The following TANGO2 variants were observed in gnomAD, a reference collection of about 807,000 sequenced individuals.
The protein encoded by TANGO2 is transport and golgi organization 2 homolog, also known as transport and Golgi organization protein 2 homolog.
A neutral mutation model predicts 39.1 loss-of-function variants in TANGO2; 26 were observed. The observed-to-expected ratio is 0.67, with a 90% CI of 0.49 to 0.92. The LOEUF is 0.92. TANGO2 is among the 40% of genes least tolerant of loss of function. The probability of loss-of-function intolerance (pLI) is 0.00; values close to 1 mark genes in which losing one functional copy is unlikely to be tolerated. For missense variants in TANGO2, 326 were observed against 360.1 expected, an observed-to-expected ratio of 0.91 and a Z score of 0.77; for synonymous variants, 131 against 144.5, an observed-to-expected ratio of 0.91 and a Z score of 0.67.
intron 2 of TANGO2, among the ~76,000 whole-genome samples, chr22:20,038,313 C>T (rs1012967362): frequency 2.6e-5 from 4 of 152,196 alleles, no homozygotes; most frequent in Non-Finnish European, 5.9e-5. Context: ...GCCGCCTGGT[C>T]TGTGGTGCTT....
intron 1 of TANGO2, among the ~76,000 whole-genome samples, chr22:20,032,610 T>G (rs943985877): frequency 6.6e-6 from 1 of 152,264 alleles, no homozygotes; most frequent in Non-Finnish European, 1.5e-5. Flanking sequence ...TTGGTTGGGC[T>G]TGGCCCAAGT....
chr22:20,052,733 G>A (rs2046609588), intron 4 of TANGO2, 149 bp downstream of exon 4: 1 of 1,064,106 alleles, frequency 9.4e-7, no homozygotes, highest in African/African-American at 1.6e-5. Flanking sequence ...GCTTGTGCTT[G>A]GGAGTGGGAT....
chr22:20,056,401 A>C (rs2047355193), intron 6 of TANGO2: 2 of 480,156 alleles, frequency 4.2e-6, no homozygotes, highest in Admixed American at 4.6e-5. Flanking sequence ...CTGACGCACA[A>C]GTACACACCC....
chr22:20,027,692 C>G (rs1466145273), intron 1 of TANGO2, among the ~76,000 whole-genome samples: 1 of 152,112 alleles, frequency 6.6e-6, no homozygotes, highest in Non-Finnish European at 1.5e-5. Context: ...ACTGCAGCCT[C>G]AAACTCCTGG....
rs376299828 is a variant in TANGO2 at position 20,056,000 on chromosome 22, C to G, written c.438C>G (p.Ile146Met). ...YYGNRGEPDPIVLTPGTYGLS... is the reference protein window; with the variant it reads ...YYGNRGEPDPMVLTPGTYGLS... The stretch of plus-strand genomic sequence containing the variant: ...GGAACCGAGGGGAGCCTGATCCTAT[C>G]GTTTTGACGCCAGGTGAGCCTGCCC... The change falls in exon 6 of 9, where the codon ATC (isoleucine) becomes ATG (methionine). Residue 146 changes from isoleucine to methionine, a missense_variant. Transcript: ENST00000327374. 2.5e-6 allele frequency: 4 copies of G among 1,614,048 alleles called. No individual in the cohort carries two copies. The highest frequency in any genetic ancestry group is 2.2e-5 in the East Asian group (1 of 44,884).
chr22:20,049,379 G>A (rs1226016395), intron 3 of TANGO2, among the ~76,000 whole-genome samples: 2 of 152,126 alleles, frequency 1.3e-5, no homozygotes, highest in Non-Finnish European at 2.9e-5. Context: ...CTTGAAATCA[G>A]GCTGAGCACT....
rs1442695837 is a variant in TANGO2, at chr22:20,061,648, C to T, written c.570C>T (p.Ile190=). Residue 190 remains isoleucine, a synonymous_variant, in exon 7 of 9, where the codon ATC becomes ATT. Coordinates refer to ENST00000327374, the MANE Select transcript of TANGO2 (RefSeq NM_152906.7). ...AGGCGCTGCCCAAGGATGTGCTCAT[C>T]GCCAGCCTCCTGGATGTGCTCAACA... The part of the protein sequence containing the change: ...RSQALPKDVL[I]ASLLDVLNNE... The T allele has an allele frequency of 8.3e-6, 13 of 1,559,592 alleles. No homozygotes were observed. The highest frequency in any genetic ancestry group is 2.4e-5 in the East Asian group (1 of 42,384).
Position 20,063,406 on chromosome 22 carries a change from C to T in TANGO2, c.674C>T (p.Ala225Val), listed in dbSNP as rs759993183. The T allele has an allele frequency of 4.3e-6, 7 of 1,613,394 alleles. No homozygotes were observed. The highest frequency in any genetic ancestry group is 2.2e-5 in the East Asian group (1 of 44,880). The change falls in exon 8 of 9, where the codon GCG becomes GTG. Residue 225 changes from alanine to valine, a missense_variant. Ala to Val is a moderately conservative substitution (Grantham distance 64). Coordinates refer to ENST00000327374, the MANE Select transcript of TANGO2 (RefSeq NM_152906.7). ...GTGCAGCCCATGCTGAGCAAGTACG[C>T]GGCTGTGTGCGTGCGCTGCCCTGGC... ...EYVQPMLSKY[A>V]AVCVRCPGYG...
At chr22:20,050,653 C>G (rs2046156199) in intron 3 of TANGO2, among the ~76,000 whole-genome samples, 1 of 147,944 alleles carries the variant, frequency 6.8e-6, no homozygotes, top group Non-Finnish European at 1.5e-5. Flanking sequence ...TGAGCCACTG[C>G]ACCCGGCTTT....
At chr22:20,038,776 G>A (rs1354372439) in intron 2 of TANGO2, among the ~76,000 whole-genome samples, 5 of 152,168 alleles carry the variant, frequency 3.3e-5, no homozygotes, top group African/African-American at 7.2e-5. Context: ...GGAAGGGCAC[G>A]CTGCAGGCTG....
Position 20,063,330 on chromosome 22 carries a change from T to G in TANGO2, c.606-8T>G, listed in dbSNP as rs777851631. ...GACTAATGGCCACCACTTCTCTCCA[T>G]CCTGCAGGCAGCTGCCAGACCCGGC... On this transcript the variant is annotated splice_region_variant and splice_polypyrimidine_tract_variant and intron_variant, in intron 7 of 8. Transcript: ENST00000327374. The G allele has an allele frequency of 1.9e-6, 3 of 1,612,288 alleles. No homozygotes were observed. In the African/African-American group the frequency reaches 4.0e-5, roughly 22 times the overall value.
Position 20,022,358 on chromosome 22 carries a change from G to T in TANGO2, c.-40+1112G>T, listed in dbSNP as rs113386381. Among the ~76,000 whole-genome samples, 545 of 152,324 alleles carry T rather than the reference G, an allele frequency of 3.6e-3. 4 individuals carry two copies. The highest frequency in any genetic ancestry group is 0.013 in the African/African-American group (524 of 41,566). On this transcript the variant is annotated intron_variant, in intron 1 of 8. Transcript: ENST00000327374. ...GCTGGAGAGGGTGACCATGTTGTTAGATGGACACAGCAGAGCCTCTGTTCC... is the reference window on the plus strand; with the variant it reads ...GCTGGAGAGGGTGACCATGTTGTTATATGGACACAGCAGAGCCTCTGTTCC...
Position 20,052,676 on chromosome 22 carries a change from C to T in TANGO2, c.265+92C>T, listed in dbSNP as rs928494366. The T allele has an allele frequency of 4.8e-6, 7 of 1,463,536 alleles. No homozygotes were observed. The African/African-American group carries it at 8.4e-5, about 17-fold the overall frequency. 90.7% of individuals were successfully genotyped at this position (1,463,536 alleles called of 1,614,324 possible). Reference sequence around the variant, plus strand: ...TGGGGCCAAGGGACTACAGGACTGGCCAATGTATGGTGGAGTGGGGCGGGC... The same window carrying T: ...TGGGGCCAAGGGACTACAGGACTGGTCAATGTATGGTGGAGTGGGGCGGGC... On this transcript the variant is annotated intron_variant, in intron 4 of 8. Coordinates refer to ENST00000327374, the MANE Select transcript of TANGO2 (RefSeq NM_152906.7).
intron 1 of TANGO2, among the ~76,000 whole-genome samples, chr22:20,032,408 G>T (rs571620374): frequency 6.6e-6 from 1 of 152,400 alleles, no homozygotes; most frequent in Non-Finnish European, 1.5e-5. Flanking sequence ...GCTTCCTGCA[G>T]ATGTTCAGAT....
chr22:20,061,682 GCGTGA>G lies in TANGO2; in HGVS notation c.605_605+4del. 1 of 1,546,644 alleles carries G rather than the reference GCGTGA, an allele frequency of 6.5e-7. No individual in the cohort carries two copies. The highest frequency in any genetic ancestry group is 8.7e-7 in the Non-Finnish European group (1 of 1,144,402). On this transcript the variant is annotated splice_donor_variant and splice_donor_region_variant and coding_sequence_variant and intron_variant, in exon 7 of 9. Coordinates refer to ENST00000327374, the MANE Select transcript of TANGO2 (RefSeq NM_152906.7). LOFTEE classifies it high-confidence loss of function. ...CCTGGATGTGCTCAACAATGAAGAG[GCGTGA>G]GTGGGCGGGTCCTGCTGGGGTGAGC... is the stretch of plus-strand genomic sequence containing the variant.
chr22:20,020,069 C>T (rs533731759), upstream of TANGO2, among the ~76,000 whole-genome samples: 1 of 152,346 alleles, frequency 6.6e-6, no homozygotes, highest in South Asian at 2.1e-4. Flanking sequence ...GGCATCAGGG[C>T]ACCTAGGTCT....
At position 20,056,262 on chromosome 22, in the gene TANGO2, A is replaced by G. The variant is rs926157771; in HGVS notation, c.451+249A>G. 4.5e-6 allele frequency: 3 copies of G among 671,320 alleles called. No individual in the cohort carries two copies. The African/African-American group carries it at 5.3e-5, about 12-fold the overall frequency. 41.6% of individuals were successfully genotyped at this position (671,320 alleles called of 1,614,324 possible). ...GGTGCGCCCCTGTTCTGGGCTTCCCACCGCAGCCCTGCAGCCCAGCCGGCC... is the reference window on the plus strand; with the variant it reads ...GGTGCGCCCCTGTTCTGGGCTTCCCGCCGCAGCCCTGCAGCCCAGCCGGCC... On this transcript the variant is annotated intron_variant, in intron 6 of 8. Transcript: ENST00000327374.
intron 2 of TANGO2, 185 bp downstream of exon 2, chr22:20,037,039 G>A (rs2042981789): frequency 1.3e-6 from 2 of 1,555,878 alleles, no homozygotes; most frequent in Non-Finnish European, 1.7e-6. Context: ...TCTCGGGGCG[G>A]GGACTCCAGT....
intron 1 of TANGO2, among the ~76,000 whole-genome samples, chr22:20,021,550 C>G (rs2039678084): frequency 6.6e-6 from 1 of 152,206 alleles, no homozygotes; most frequent in African/African-American, 2.4e-5. Flanking sequence ...CGCCCGGTCA[C>G]TCTGCCCCCT....
Sources: allele counts gnomAD v4.1 joint callset (sites outside exome capture counted in the v4.1 genomes callset), GRCh38; gene constraint gnomAD v4.1.1; transcripts MANE v1.5; gene names NCBI Gene and HGNC (gene_info 2026-07-23, HGNC 2026-07-21).